Variants in PAG1 observed in about 807,000 individuals in gnomAD.
The protein encoded by PAG1 is phosphoprotein associated with glycosphingolipid-enriched microdomains 1.
Under a neutral mutation model 31.7 loss-of-function variants are expected in PAG1, and 23 were observed. That is an observed-to-expected ratio of 0.73 (90% CI 0.52 to 1.03). The LOEUF is 1.03. Among genes scored for constraint, PAG1 ranks in the 50% least tolerant of loss-of-function variants. The pLI, the probability that PAG1 is intolerant of heterozygous loss-of-function variation, is 0.00. For synonymous variants in PAG1, 214 were observed against 210.3 expected (o/e 1.02, Z -0.15); for missense variants, 473 against 540.7 (o/e 0.87, Z 1.24).
chr8:80,994,730 T>C (rs112298851), intron 3 of PAG1, among the ~76,000 whole-genome samples: 6 of 152,328 alleles, frequency 3.9e-5, no homozygotes, highest in African/African-American at 1.4e-4. Context: ...TGTGAAATAT[T>C]TTAAGAGCTA....
At chr8:80,994,314 T>G (rs1473092569) in intron 3 of PAG1, among the ~76,000 whole-genome samples, 1 of 152,230 alleles carries the variant, frequency 6.6e-6, no homozygotes, top group Non-Finnish European at 1.5e-5. Flanking sequence ...TTCAAATGAA[T>G]GAATGAAGTA....
chr8:81,032,415 C>A (rs1229440380), intron 2 of PAG1, among the ~76,000 whole-genome samples: 1 of 152,004 alleles, frequency 6.6e-6, no homozygotes, highest in African/African-American at 2.4e-5. Flanking sequence ...AGACACTTCT[C>A]CAAAAAAGAT....
At position 81,016,241 on chromosome 8, in the gene PAG1, G is replaced by A. The variant is rs142412177; in HGVS notation, c.-81+13755C>T. ...TGTTTTTAAGCCGTTAAGTCATGGA[G>A]TGGTTTGTTATGCAGCAAATGCTAT... On this transcript the variant is annotated intron_variant, in intron 3 of 8. Coordinates refer to ENST00000220597, the MANE Select transcript of PAG1 (RefSeq NM_018440.4). 3.0e-3 allele frequency among the ~76,000 whole-genome samples: 458 copies of A among 152,318 alleles called. 3 individuals are homozygous for A. The highest frequency in any genetic ancestry group is 5.1e-3 in the Non-Finnish European group (344 of 68,018).
Position 80,993,272 on chromosome 8 carries a change from T to G in PAG1, c.-45A>C, listed in dbSNP as rs1807596847. On this transcript the variant is annotated 5_prime_UTR_variant, in exon 4 of 9. Coordinates refer to ENST00000220597, the MANE Select transcript of PAG1 (RefSeq NM_018440.4). ...ACCAGCCGAGGGAATCAGTCAGTCC[T>G]TCAAAGGTGGTGACATGGAGGCAGA... 1 of 1,562,104 alleles carries G rather than the reference T, an allele frequency of 6.4e-7. No homozygotes were observed. The highest frequency in any genetic ancestry group is 8.7e-7 in the Non-Finnish European group (1 of 1,155,080).
chr8:81,090,545 C>T (rs1809428318), intron 1 of PAG1, among the ~76,000 whole-genome samples: 2 of 152,162 alleles, frequency 1.3e-5, no homozygotes, highest in African/African-American at 4.8e-5. Context: ...AGACCACTAA[C>T]CAGCAATTAC....
chr8:81,039,731 A>G lies in PAG1; in HGVS notation c.-174-9642T>C, dbSNP rs1808523774. On this transcript the variant is annotated intron_variant, in intron 2 of 8. Coordinates refer to ENST00000220597, the MANE Select transcript of PAG1 (RefSeq NM_018440.4). Reference sequence around the variant, plus strand: ...ATTACTTTACATACCTCATATCAAGAGGTTTACACATCAATCCATCTGCTA... The same window carrying G: ...ATTACTTTACATACCTCATATCAAGGGGTTTACACATCAATCCATCTGCTA... 2.0e-5 allele frequency among the ~76,000 whole-genome samples: 3 copies of G among 152,354 alleles called. No individual in the cohort carries two copies. The South Asian group carries it at 6.2e-4, about 32-fold the overall frequency.
At chr8:81,077,250 G>A (rs1275625952) in intron 1 of PAG1, among the ~76,000 whole-genome samples, 5 of 152,206 alleles carry the variant, frequency 3.3e-5, no homozygotes, top group East Asian at 1.9e-4. Context: ...GAACCATTAA[G>A]TTCAACTGCT....
intron 3 of PAG1, among the ~76,000 whole-genome samples, chr8:81,016,934 C>T (rs1808082607): frequency 6.6e-6 from 1 of 152,104 alleles, no homozygotes; most frequent in African/African-American, 2.4e-5. Flanking sequence ...ACTGAGAGGC[C>T]AAAGGAACAG....
intron 6 of PAG1, 108 bp downstream of exon 6, chr8:80,987,262 A>C (rs1251533925): frequency 1.4e-6 from 1 of 736,456 alleles, no homozygotes; most frequent in Non-Finnish European, 2.4e-6. Flanking sequence ...GGAATACTAA[A>C]ACTGAGCAAT....
chr8:80,969,591 A>C lies in PAG1; in HGVS notation c.*6953T>G, dbSNP rs1202874242. ...TTCTGAACTGTAGGCTCTAGGGAGC[A>C]ACTGGTCCTTCTTTTAGCTTTAACT... is the stretch of plus-strand genomic sequence containing the variant. On this transcript the variant is annotated 3_prime_UTR_variant, in exon 9 of 9. Transcript: ENST00000220597. 1 of 152,272 alleles carries C rather than the reference A, an allele frequency of 6.6e-6. No individual in the cohort carries two copies. The highest frequency in any genetic ancestry group is 1.9e-4 in the East Asian group (1 of 5,208). The allele number at this position is 152,272 out of a possible 1,614,324, so 9.4% of individuals were successfully genotyped here.
chr8:81,048,754 T>C (rs1029043778), intron 2 of PAG1, among the ~76,000 whole-genome samples: 1 of 152,198 alleles, frequency 6.6e-6, no homozygotes, highest in Admixed American at 6.5e-5. Flanking sequence ...TATATAAATG[T>C]ACATACATTT....
intron 2 of PAG1, among the ~76,000 whole-genome samples, chr8:81,062,755 T>C (rs73279956): frequency 0.12 from 17,628 of 152,126 alleles, 1,113 homozygotes; most frequent in South Asian, 0.22. Context: ...CATAGTTCAC[T>C]GCAGCCACAA....
chr8:81,008,654 C>T (rs1309847627), intron 3 of PAG1, among the ~76,000 whole-genome samples: 1 of 151,484 alleles, frequency 6.6e-6, no homozygotes. Flanking sequence ...TCCAATCTCA[C>T]GTTTCCTAAC....
intron 2 of PAG1, among the ~76,000 whole-genome samples, chr8:81,030,614 G>A (rs192115488): frequency 6.6e-4 from 101 of 152,344 alleles, no homozygotes; most frequent in Middle Eastern, 6.8e-3. Context: ...ATCTAGCCCC[G>A]AGTTGTCCCT....
chr8:81,051,907 G>C (rs1808737250), intron 2 of PAG1, among the ~76,000 whole-genome samples: 1 of 151,988 alleles, frequency 6.6e-6, no homozygotes, highest in Non-Finnish European at 1.5e-5. Context: ...GAGGTGGGCG[G>C]ATCACGAGGT....
At chr8:80,977,003 G>C in intron 8 of PAG1, 97 bp from the exon 9 acceptor site, 1 of 1,065,030 alleles carries the variant, frequency 9.4e-7, no homozygotes, top group South Asian at 1.5e-5. Flanking sequence ...CTGGGTTTCT[G>C]TGTGTGTACT....
At chr8:81,027,914 A>AG (rs1223446299) in intron 3 of PAG1, among the ~76,000 whole-genome samples, 1 of 151,588 alleles carries the variant, frequency 6.6e-6, no homozygotes, top group East Asian at 1.9e-4. Flanking sequence ...CAAAAAAAAA[A>AG]AAAAAAAAAA....
intron 2 of PAG1, among the ~76,000 whole-genome samples, chr8:81,059,319 A>G (rs1247887406): frequency 6.6e-6 from 1 of 151,924 alleles, no homozygotes; most frequent in Non-Finnish European, 1.5e-5. Flanking sequence ...GGTTGGTTGA[A>G]TCCATGGATG....
At chr8:81,056,683 C>G (rs1451974826) in intron 2 of PAG1, among the ~76,000 whole-genome samples, 3 of 152,146 alleles carry the variant, frequency 2.0e-5, no homozygotes, top group Non-Finnish European at 4.4e-5. Flanking sequence ...GTCTAAAACA[C>G]CAAAAGCAAT....
Sources: allele counts gnomAD v4.1 joint callset (sites outside exome capture counted in the v4.1 genomes callset), GRCh38; gene constraint gnomAD v4.1.1; transcripts MANE v1.5; gene names NCBI Gene and HGNC (gene_info 2026-07-23, HGNC 2026-07-21).